Variants in RGL1 observed in about 807,000 individuals in gnomAD.
RGL1 encodes ral guanine nucleotide dissociation stimulator like 1.
A neutral mutation model predicts 95.2 loss-of-function variants in RGL1; 24 were observed. That is an observed-to-expected ratio of 0.25 (90% CI 0.18 to 0.35). The LOEUF (loss-of-function observed/expected upper bound fraction) is 0.35. Ranked by LOEUF, RGL1 falls within the 10% of genes least tolerant of loss-of-function variation. RGL1 has a pLI of 1.00. For missense variants in RGL1, 715 were observed against 936.3 expected (o/e 0.76, Z 3.08); for synonymous variants, 329 against 344.9 (o/e 0.95, Z 0.51).
chr1:183,675,940 G>A (rs1214249021), intron 1 of RGL1, among the ~76,000 whole-genome samples: 2 of 152,168 alleles, frequency 1.3e-5, no homozygotes, highest in Non-Finnish European at 2.9e-5. Flanking sequence ...GAGCCCAGGA[G>A]TTTGAGACCA....
intron 1 of RGL1, among the ~76,000 whole-genome samples, chr1:183,706,422 A>C (rs1308900847): frequency 6.6e-6 from 1 of 152,214 alleles, no homozygotes; most frequent in East Asian, 1.9e-4. Flanking sequence ...CTTGGATCAC[A>C]TGAAGAGATG....
At chr1:183,856,840 TA>T (rs1665185971) in intron 3 of RGL1, among the ~76,000 whole-genome samples, 1 of 152,056 alleles carries the variant, frequency 6.6e-6, no homozygotes, top group Non-Finnish European at 1.5e-5. Context: ...AAAACTTTGA[TA>T]GGGGATGCCT....
chr1:183,753,513 G>A (rs752855710), intron 2 of RGL1, among the ~76,000 whole-genome samples: 1 of 152,224 alleles, frequency 6.6e-6, no homozygotes, highest in Non-Finnish European at 1.5e-5. Flanking sequence ...AAGAGCAGCA[G>A]CCAGAGTGTC....
chr1:183,913,362 A>T (rs1245101830), intron 15 of RGL1, among the ~76,000 whole-genome samples: 1 of 151,442 alleles, frequency 6.6e-6, no homozygotes, highest in East Asian at 1.9e-4. Flanking sequence ...TGCCCGCATA[A>T]TTTTTGTATT....
At chr1:183,763,617 C>A (rs1484527086) in intron 2 of RGL1, among the ~76,000 whole-genome samples, 2 of 152,100 alleles carry the variant, frequency 1.3e-5, no homozygotes, top group African/African-American at 4.8e-5. Flanking sequence ...TGTAGAGGGA[C>A]TAAGAGGTTG....
chr1:183,718,233 CA>C (rs34825782), intron 1 of RGL1, among the ~76,000 whole-genome samples: 61,936 of 114,704 alleles, frequency 0.54, 13,678 homozygotes, highest in East Asian at 0.74. Context: ...GACTTGGTCT[CA>C]AAAAAAAAAA....
intron 1 of RGL1, among the ~76,000 whole-genome samples, chr1:183,677,746 T>C (rs1652928346): frequency 6.6e-6 from 1 of 152,190 alleles, no homozygotes; most frequent in Admixed American, 6.5e-5. Context: ...ATTTTACACA[T>C]GTATATTCCC....
At chr1:183,877,018 G>GTCA (rs1666533682) in intron 4 of RGL1, among the ~76,000 whole-genome samples, 1 of 152,216 alleles carries the variant, frequency 6.6e-6, no homozygotes. Flanking sequence ...ACTGATCAGT[G>GTCA]TCAGGTAGAT....
In RGL1 at chr1:183,921,946, G is replaced by A. The variant is rs572882928; in HGVS notation, c.2005-276G>A. ...TTCTTTCACGGGAACTTCAACCACT[G>A]TGGAGGAGATAGGCAAGGAAAGCGT... On this transcript the variant is annotated intron_variant, in intron 16 of 17. Transcript: ENST00000360851. Among the ~76,000 whole-genome samples, 15 of 152,330 alleles carry A rather than the reference G, an allele frequency of 9.8e-5. No individual in the cohort carries two copies. In the East Asian group the frequency reaches 2.9e-3, roughly 29 times the overall value.
intron 2 of RGL1, among the ~76,000 whole-genome samples, chr1:183,843,071 A>G (rs1000921960): frequency 2.0e-5 from 3 of 152,234 alleles, no homozygotes; most frequent in African/African-American, 7.2e-5. Flanking sequence ...ATTAGAAGTC[A>G]TCAGATCTTT....
At chr1:183,818,868 T>G (rs1662261865) in intron 2 of RGL1, among the ~76,000 whole-genome samples, 1 of 152,214 alleles carries the variant, frequency 6.6e-6, no homozygotes, top group South Asian at 2.1e-4. Flanking sequence ...ATACTCCAAC[T>G]ACTGATAACA....
chr1:183,669,403 T>A (rs1165481198), intron 1 of RGL1, among the ~76,000 whole-genome samples: 1 of 152,234 alleles, frequency 6.6e-6, no homozygotes, highest in Non-Finnish European at 1.5e-5. Flanking sequence ...TGTTCTTGCA[T>A]GCTATCTACT....
At chr1:183,847,184 C>G (rs1031905564) in intron 2 of RGL1, among the ~76,000 whole-genome samples, 1 of 152,166 alleles carries the variant, frequency 6.6e-6, no homozygotes, top group African/African-American at 2.4e-5. Context: ...TGCAGTGGCT[C>G]ACACCTATAA....
chr1:183,778,655 G>C (rs1342933991), intron 2 of RGL1, among the ~76,000 whole-genome samples: 1 of 151,964 alleles, frequency 6.6e-6, no homozygotes, highest in African/African-American at 2.4e-5. Flanking sequence ...ATCTAGGATG[G>C]GAAAAAGGGT....
chr1:183,813,296 A>G (rs971911009), intron 2 of RGL1, among the ~76,000 whole-genome samples: 2 of 152,160 alleles, frequency 1.3e-5, no homozygotes, highest in East Asian at 3.9e-4. Context: ...ACTGGGTGAA[A>G]TGTACTGGGG....
chr1:183,843,341 T>C (rs756679262), intron 2 of RGL1, among the ~76,000 whole-genome samples: 1 of 152,254 alleles, frequency 6.6e-6, no homozygotes, highest in Non-Finnish European at 1.5e-5. Flanking sequence ...ATGCAAACCC[T>C]GAGGAACAAA....
chr1:183,884,898 A>G lies in RGL1; in HGVS notation c.911A>G (p.Gln304Arg). ...GGGGGCAAAGAACTCAAAACTCAGC[A>G]GAGAGCCAAAATCATTGAGAAGTGG... is the stretch of plus-strand genomic sequence containing the variant. ...ILGGKELKTQ[Q>R]RAKIIEKWIN... Residue 304 changes from glutamine (Q) to arginine (R), a missense_variant, in exon 7 of 18, where the codon CAG (glutamine) becomes CGG (arginine). Around this residue, in one of 3 missense-constraint regions of RGL1, gnomAD observed 381 missense variants for 484.8 expected, o/e 0.79. Coordinates refer to ENST00000360851, the MANE Select transcript of RGL1 (RefSeq NM_001297671.3). 3 of 1,614,140 alleles carry G rather than the reference A, an allele frequency of 1.9e-6. No individual in the cohort carries two copies. The highest frequency in any genetic ancestry group is 2.5e-6 in the Non-Finnish European group (3 of 1,179,986).
At chr1:183,751,081 T>C (rs1053059716) in intron 2 of RGL1, among the ~76,000 whole-genome samples, 1 of 152,226 alleles carries the variant, frequency 6.6e-6, no homozygotes, top group Non-Finnish European at 1.5e-5. Flanking sequence ...TTAGTGGAGC[T>C]TGAGCATTGT....
intron 2 of RGL1, among the ~76,000 whole-genome samples, chr1:183,820,438 T>C (rs1662393654): frequency 6.6e-6 from 1 of 152,164 alleles, no homozygotes; most frequent in South Asian, 2.1e-4. Context: ...CCACGAAATC[T>C]CCCATCCTGT....
Sources: gnomAD v4.1 joint callset for allele counts (sites outside exome capture counted in the v4.1 genomes callset) on GRCh38, gnomAD v4.1.1 for gene constraint, gnomAD v4.1.1 regional missense constraint, MANE v1.5 for transcripts, NCBI Gene and HGNC (gene_info 2026-07-23, HGNC 2026-07-21) for gene names.